XPR1: variants seen among roughly 807,000 people sequenced by gnomAD.
The protein encoded by XPR1 is xenotropic and polytropic retrovirus receptor 1.
In XPR1, 28 loss-of-function variants were observed where a neutral mutation model predicts 87.5. The observed-to-expected ratio is 0.32, with a 90% confidence interval of 0.24 to 0.44. The LOEUF is 0.44. XPR1 is among the 20% of genes least tolerant of loss of function. The probability of loss-of-function intolerance (pLI) is 1.00; values close to 1 mark genes in which losing one functional copy is unlikely to be tolerated. For missense variants in XPR1, 559 were observed against 862.3 expected (o/e 0.65, Z 4.41); for synonymous variants, 300 against 306.1 (o/e 0.98, Z 0.21).
chr1:180,878,459 TTAATAATCTA>T (rs970797807), intron 13 of XPR1, among the ~76,000 whole-genome samples: 5 of 152,194 alleles, frequency 3.3e-5, no homozygotes, highest in Admixed American at 1.3e-4. Context: ...ACCACTTTTG[TTAATAATCTA>T]TAATAATAAT....
chr1:180,728,403 A>G (rs1397882455), intron 2 of XPR1, among the ~76,000 whole-genome samples: 1 of 152,074 alleles, frequency 6.6e-6, no homozygotes. Flanking sequence ...ACTTGAAAGG[A>G]AAATGCAATT....
chr1:180,638,218 T>A (rs552807916), intron 1 of XPR1, among the ~76,000 whole-genome samples: 3 of 152,316 alleles, frequency 2.0e-5, no homozygotes, highest in African/African-American at 7.2e-5. Flanking sequence ...CCTTGTGTCA[T>A]CTTTTTAAAA....
At chr1:180,648,192 A>G (rs1166947861) in intron 1 of XPR1, among the ~76,000 whole-genome samples, 1 of 152,128 alleles carries the variant, frequency 6.6e-6, no homozygotes, top group Admixed American at 6.6e-5. Flanking sequence ...GTTTCCTTTC[A>G]TTGCTGTGTG....
chr1:180,801,394 T>C (rs1351710070), intron 3 of XPR1, among the ~76,000 whole-genome samples: 1 of 152,120 alleles, frequency 6.6e-6, no homozygotes, highest in Non-Finnish European at 1.5e-5. Flanking sequence ...CCCAGATGGG[T>C]TGACCCACAT....
intron 14 of XPR1, 60 bp downstream of exon 14, chr1:180,880,357 A>G (rs927434363): frequency 1.1e-5 from 18 of 1,588,108 alleles, no homozygotes; most frequent in Non-Finnish European, 1.6e-5. Context: ...ATTGGGTAGC[A>G]TGTAAGCTAA....
At chr1:180,795,434 A>T (rs1649532938) in intron 3 of XPR1, among the ~76,000 whole-genome samples, 1 of 152,184 alleles carries the variant, frequency 6.6e-6, no homozygotes, top group African/African-American at 2.4e-5. Flanking sequence ...ATTTGTTCTC[A>T]TATTCAGGTC....
At chr1:180,705,650 G>GT (rs1657531280) in intron 2 of XPR1, among the ~76,000 whole-genome samples, 2 of 152,102 alleles carry the variant, frequency 1.3e-5, no homozygotes. Flanking sequence ...TCACGTTCCT[G>GT]TTTTTTCTGT....
chr1:180,836,017 C>G (rs1041562322), intron 10 of XPR1, among the ~76,000 whole-genome samples: 22 of 152,038 alleles, frequency 1.4e-4, no homozygotes, highest in Non-Finnish European at 2.6e-4. Context: ...CCACTAGTTC[C>G]CCCACAACAT....
intron 2 of XPR1, among the ~76,000 whole-genome samples, chr1:180,696,206 G>GTATATA (rs1330154532): frequency 1.6e-3 from 160 of 102,036 alleles, no homozygotes; most frequent in African/African-American, 4.3e-3. Flanking sequence ...GTGTGTGTGT[G>GTATATA]TGTATATATA....
At chr1:180,756,607 A>C (rs1320237243) in intron 2 of XPR1, among the ~76,000 whole-genome samples, 2 of 152,048 alleles carry the variant, frequency 1.3e-5, no homozygotes, top group Non-Finnish European at 2.9e-5. Context: ...TCCTTTGAAT[A>C]ACAAAAGTTA....
intron 2 of XPR1, among the ~76,000 whole-genome samples, chr1:180,756,208 AT>A (rs1480772642): frequency 6.6e-6 from 1 of 152,248 alleles, no homozygotes; most frequent in Non-Finnish European, 1.5e-5. Context: ...ATTGAGGCGC[AT>A]TTTACAAAAT....
chr1:180,733,118 G>A (rs1032962111), intron 2 of XPR1, among the ~76,000 whole-genome samples: 4 of 152,162 alleles, frequency 2.6e-5, no homozygotes, highest in Admixed American at 6.5e-5. Flanking sequence ...TGTGTCCAGC[G>A]GGCTGTGTGT....
chr1:180,706,973 A>G (rs953062640), intron 2 of XPR1, among the ~76,000 whole-genome samples: 13 of 152,124 alleles, frequency 8.5e-5, no homozygotes, highest in African/African-American at 3.1e-4. Flanking sequence ...ATTTTCTATA[A>G]AGTAATATTT....
At chr1:180,800,004 C>T (rs1357786192) in intron 3 of XPR1, among the ~76,000 whole-genome samples, 1 of 152,208 alleles carries the variant, frequency 6.6e-6, no homozygotes, top group Non-Finnish European at 1.5e-5. Context: ...GTACTAATTT[C>T]TGCAGTTCTA....
chr1:180,861,087 C>A (rs547214405), intron 11 of XPR1, among the ~76,000 whole-genome samples: 1 of 152,050 alleles, frequency 6.6e-6, no homozygotes, highest in South Asian at 2.1e-4. Flanking sequence ...CTCCATATCA[C>A]CTATACTCAC....
chr1:180,748,398 G>GTTTTT (rs1647361887), intron 2 of XPR1, among the ~76,000 whole-genome samples: 1 of 56,074 alleles, frequency 1.8e-5, no homozygotes. Flanking sequence ...TATTATTTAT[G>GTTTTT]TCTTTTTTTT....
intron 9 of XPR1, among the ~76,000 whole-genome samples, chr1:180,828,103 C>T (rs1293296761): frequency 6.6e-6 from 1 of 151,944 alleles, no homozygotes; most frequent in African/African-American, 2.4e-5. Context: ...TCTCGAATTC[C>T]TGGGCTCAAG....
At chr1:180,771,436 A>G (rs534540574) in intron 2 of XPR1, among the ~76,000 whole-genome samples, 5 of 152,310 alleles carry the variant, frequency 3.3e-5, no homozygotes, top group East Asian at 1.9e-4. Context: ...AACGTACTCA[A>G]TCGTAGTGCA....
intron 2 of XPR1, among the ~76,000 whole-genome samples, chr1:180,777,641 T>C (rs934689711): frequency 6.6e-6 from 1 of 152,200 alleles, no homozygotes; most frequent in Non-Finnish European, 1.5e-5. Flanking sequence ...GCCATATGCT[T>C]TATATAATTC....
Sources: gnomAD v4.1 joint callset for allele counts (sites outside exome capture counted in the v4.1 genomes callset) on GRCh38, gnomAD v4.1.1 for gene constraint, MANE v1.5 for transcripts, NCBI Gene and HGNC (gene_info 2026-07-23, HGNC 2026-07-21) for gene names.